Variants in FRY observed in about 807,000 individuals in gnomAD.
FRY encodes the protein protein furry homolog.
Under a neutral mutation model 348.4 loss-of-function variants are expected in FRY, and 128 were observed. That is an observed-to-expected ratio of 0.37 (90% CI 0.32 to 0.43). The LOEUF (loss-of-function observed/expected upper bound fraction) is 0.43. FRY is among the 20% of genes least tolerant of loss of function. The pLI, the probability that FRY is intolerant of heterozygous loss-of-function variation, is 1.00. For synonymous variants in FRY, 1,370 were observed against 1,374.7 expected (o/e 1.00, Z 0.08); for missense variants, 2,736 against 3,695.2 (o/e 0.74, Z 6.73).
rs968179896 is a variant in FRY, at chr13:32,178,229, A to G, written c.2474A>G (p.Asn825Ser). 6.2e-7 allele frequency: 1 copy of G among 1,614,178 alleles called. No homozygotes were observed. The highest frequency in any genetic ancestry group is 8.5e-7 in the Non-Finnish European group (1 of 1,179,982). ...GATCTGCAGTGGTTGGTGGAATGGAACGCAGTCCTGGTCAATAGCCATTAT... is the reference window on the plus strand; with the variant it reads ...GATCTGCAGTGGTTGGTGGAATGGAGCGCAGTCCTGGTCAATAGCCATTAT... ...NVDLQWLVEW[N>S]AVLVNSHYDV... Residue 825 changes from asparagine (N) to serine (S), a missense_variant, in exon 21 of 61, where the codon AAC (asparagine) becomes AGC (serine). Around this residue, in one of 9 missense-constraint regions of FRY, gnomAD observed 449 missense variants for 576.9 expected, o/e 0.78. Transcript: ENST00000542859.
At chr13:32,067,997 G>A (rs1874367836) in intron 1 of FRY, among the ~76,000 whole-genome samples, 1 of 152,066 alleles carries the variant, frequency 6.6e-6, no homozygotes, top group Non-Finnish European at 1.5e-5. Context: ...AGCATCACCT[G>A]GGGACTGGTT....
intron 1 of FRY, among the ~76,000 whole-genome samples, chr13:32,066,941 G>A (rs1874294260): frequency 6.6e-6 from 1 of 152,144 alleles, no homozygotes; most frequent in Non-Finnish European, 1.5e-5. Flanking sequence ...TATAGAATTG[G>A]TTGGGTTCAG....
chr13:32,054,905 TAAAAG>T (rs748254417), intron 1 of FRY, among the ~76,000 whole-genome samples: 1 of 151,762 alleles, frequency 6.6e-6, no homozygotes, highest in Non-Finnish European at 1.5e-5. Context: ...ATAAAGAAAA[TAAAAG>T]ATAAGAAACC....
intron 55 of FRY, among the ~76,000 whole-genome samples, chr13:32,270,032 A>ATG (rs1888127391): frequency 1.3e-5 from 2 of 152,124 alleles, no homozygotes; most frequent in African/African-American, 4.8e-5. Flanking sequence ...GCTGGAGGAG[A>ATG]TGTTAGGCTT....
At chr13:32,053,100 G>A (rs959534448) in intron 1 of FRY, among the ~76,000 whole-genome samples, 87 of 151,154 alleles carry the variant, frequency 5.8e-4, no homozygotes, top group African/African-American at 2.1e-3. Flanking sequence ...AAAACAGAGC[G>A]AGACTCCATC....
intron 21 of FRY, 116 bp downstream of exon 21, chr13:32,178,552 A>G: frequency 8.5e-7 from 1 of 1,177,474 alleles, no homozygotes; most frequent in Non-Finnish European, 1.2e-6. Flanking sequence ...TTCCTACTAG[A>G]GAATTCTTAA....
intron 41 of FRY, 106 bp downstream of exon 41, chr13:32,231,406 C>A: frequency 9.2e-7 from 1 of 1,085,602 alleles, no homozygotes; most frequent in Non-Finnish European, 1.4e-6. Flanking sequence ...CACTCCACAT[C>A]CATAGCACGA....
intron 59 of FRY, 100 bp from the exon 60 acceptor site, chr13:32,294,268 T>A (rs1209492109): frequency 1.9e-5 from 15 of 792,752 alleles, no homozygotes; most frequent in Admixed American, 4.1e-5. Context: ...GTATTAAGCT[T>A]ATGCTTAACC....
intron 47 of FRY, among the ~76,000 whole-genome samples, chr13:32,244,745 T>C (rs1334597305): frequency 6.6e-6 from 1 of 152,186 alleles, no homozygotes. Flanking sequence ...TACAAAGGGA[T>C]TCATTAGACT....
chr13:32,285,276 A>G (rs571958625), intron 58 of FRY, among the ~76,000 whole-genome samples: 1 of 152,342 alleles, frequency 6.6e-6, no homozygotes, highest in African/African-American at 2.4e-5. Flanking sequence ...AATAATTTCC[A>G]TAAAATGGCC....
intron 55 of FRY, among the ~76,000 whole-genome samples, chr13:32,269,902 G>C (rs920919843): frequency 6.6e-6 from 1 of 152,104 alleles, no homozygotes; most frequent in African/African-American, 2.4e-5. Flanking sequence ...ATAGCTACTT[G>C]GACTAGCTCA....
intron 11 of FRY, among the ~76,000 whole-genome samples, chr13:32,138,674 A>C (rs911968165): frequency 1.3e-5 from 2 of 152,228 alleles, no homozygotes; most frequent in African/African-American, 4.8e-5. Context: ...AGTGAATGCT[A>C]TAGAGACTGA....
At chr13:32,290,844 G>C (rs1030011023) in intron 59 of FRY, among the ~76,000 whole-genome samples, 2 of 152,014 alleles carry the variant, frequency 1.3e-5, no homozygotes, top group Non-Finnish European at 2.9e-5. Flanking sequence ...AAGAAGAGTT[G>C]AGGAGAGGAT....
intron 59 of FRY, among the ~76,000 whole-genome samples, chr13:32,292,352 A>T (rs1593860952): frequency 6.6e-6 from 1 of 152,200 alleles, no homozygotes; most frequent in South Asian, 2.1e-4. Context: ...AATGACAACA[A>T]AAGTTTTACA....
chr13:32,093,163 A>G (rs1273021669), intron 2 of FRY, among the ~76,000 whole-genome samples: 1 of 152,176 alleles, frequency 6.6e-6, no homozygotes, highest in African/African-American at 2.4e-5. Flanking sequence ...ATCTCTAAGC[A>G]TTTCCATATG....
intron 35 of FRY, among the ~76,000 whole-genome samples, chr13:32,214,819 A>G (rs953429987): frequency 1.3e-5 from 2 of 152,216 alleles, no homozygotes; most frequent in African/African-American, 4.8e-5. Flanking sequence ...TGCTGTGTTA[A>G]CACACCTCAG....
chr13:32,115,757 C>T (rs1878262981), intron 3 of FRY, among the ~76,000 whole-genome samples: 1 of 151,546 alleles, frequency 6.6e-6, no homozygotes, highest in African/African-American at 2.4e-5. Context: ...CAGGTAAACT[C>T]TCATCTTCAT....
chr13:32,044,726 G>A (rs1386631756), intron 1 of FRY, among the ~76,000 whole-genome samples: 1 of 152,168 alleles, frequency 6.6e-6, no homozygotes, highest in Non-Finnish European at 1.5e-5. Context: ...AGTTGCTGGG[G>A]GAACTTCTGG....
chr13:32,188,610 T>C lies in FRY; in HGVS notation c.3591+954T>C, dbSNP rs535964527. Reference sequence around the variant, plus strand: ...CATTGCTCTTTAGCCTTCTGGAAAGTCAACAAGCGAAATTCCTTGAGAACC... The same window carrying C: ...CATTGCTCTTTAGCCTTCTGGAAAGCCAACAAGCGAAATTCCTTGAGAACC... On this transcript the variant is annotated intron_variant, in intron 28 of 60. Coordinates refer to ENST00000542859, the MANE Select transcript of FRY (RefSeq NM_023037.3). Among the ~76,000 whole-genome samples the C allele has an allele frequency of 2.0e-5, 3 of 152,214 alleles. No homozygotes were observed. In the South Asian group the frequency reaches 6.2e-4, roughly 32 times the overall value.
Sources: gnomAD v4.1 joint callset for allele counts (sites outside exome capture counted in the v4.1 genomes callset) on GRCh38, gnomAD v4.1.1 for gene constraint, gnomAD v4.1.1 regional missense constraint, MANE v1.5 for transcripts, NCBI Gene and HGNC (gene_info 2026-07-23, HGNC 2026-07-21) for gene names.